SAMD11: variants seen among roughly 807,000 people sequenced by gnomAD.
SAMD11 encodes the protein sterile alpha motif domain-containing protein 11.
In SAMD11, 77 loss-of-function variants were observed where a neutral mutation model predicts 64.4. That is an observed-to-expected ratio of 1.20 (90% confidence interval 0.99 to 1.44). The LOEUF (loss-of-function observed/expected upper bound fraction) is 1.44. Ranked by LOEUF, SAMD11 falls within the 40% of genes most tolerant of loss-of-function variation. The probability of loss-of-function intolerance (pLI) is 0.00; values close to 1 mark genes in which losing one functional copy is unlikely to be tolerated. For missense variants in SAMD11, 1,402 were observed against 943.3 expected, an observed-to-expected ratio of 1.49 and a Z score of -6.37; for synonymous variants, 658 against 421.9, an observed-to-expected ratio of 1.56 and a Z score of -6.86.
intron 3 of SAMD11, 48 bp from the exon 4 acceptor site, chr1:930,991 G>T (rs200617908): frequency 3.8e-6 from 6 of 1,590,826 alleles, no homozygotes; most frequent in Non-Finnish European, 5.2e-6. Flanking sequence ...TGAGGCTGGG[G>T]TCAGGGGCCT....
chr1:930,510 CCT>C (rs980536193), intron 3 of SAMD11, among the ~76,000 whole-genome samples, 174 bp downstream of exon 3: 140 of 152,300 alleles, frequency 9.2e-4, no homozygotes, highest in African/African-American at 2.8e-3. Flanking sequence ...TCATCTGCCC[CCT>C]GTCTGGCGTC....
intron 1 of SAMD11, 42 bp from the exon 2 acceptor site, chr1:925,880 C>G (rs1217131058): frequency 6.9e-7 from 1 of 1,448,748 alleles, no homozygotes; most frequent in Non-Finnish European, 9.7e-7. Flanking sequence ...CGCGCAGAAG[C>G]GTGCCGCTCC....
rs901420898 is a variant in SAMD11, at chr1:942,729, C to T, written c.1724C>T (p.Pro575Leu). The change falls in exon 11 of 14, where the codon CCC (proline) becomes CTC (leucine). Residue 575 changes from proline to leucine, a missense_variant. Physicochemically the swap from Pro to Leu is moderately conservative, Grantham distance 98. Coordinates refer to ENST00000616016, the MANE Select transcript of SAMD11 (RefSeq NM_001385641.1). ...GCGGCGCCACTGCTGGCCCTGCCCC[C>T]CCAGGGGCCCCCGGGCTCCGGACCC... Reference protein sequence around the residue: ...HGAAPLLALPPQGPPGSGPPT... With the variant: ...HGAAPLLALPLQGPPGSGPPT... 2.7e-6 allele frequency: 4 copies of T among 1,471,214 alleles called. No individual in the cohort carries two copies. The highest frequency in any genetic ancestry group is 2.7e-5 in the East Asian group (1 of 36,854). The allele number at this position is 1,471,214 out of a possible 1,614,324, so 91.1% of individuals were successfully genotyped here. A position where few individuals can be genotyped will look rare whatever the true frequency, so the allele number is the denominator to read the frequency against.
At chr1:934,285 G>T (rs866646041) in intron 4 of SAMD11, among the ~76,000 whole-genome samples, 30 of 128 alleles carry the variant, frequency 0.23, 7 homozygotes, top group African/African-American at 0.48. Context: ...GTTACAGGTG[G>T]GCAGGGGAGG....
At chr1:925,871 G>T (rs1216990878) in intron 1 of SAMD11, 51 bp from the exon 2 acceptor site, 1 of 1,368,164 alleles carries the variant, frequency 7.3e-7, no homozygotes, top group East Asian at 2.3e-5. Flanking sequence ...CGCTGACTGC[G>T]CGCAGAAGCG....
intron 1 of SAMD11, among the ~76,000 whole-genome samples, chr1:925,483 C>T (rs1640837562): frequency 6.6e-6 from 1 of 151,968 alleles, no homozygotes; most frequent in Admixed American, 6.6e-5. Context: ...GTGCGGTGAG[C>T]GCCAGGCGCC....
At chr1:933,363 G>A (rs976374823) in intron 4 of SAMD11, among the ~76,000 whole-genome samples, 9 of 152,278 alleles carry the variant, frequency 5.9e-5, no homozygotes, top group African/African-American at 1.2e-4. Context: ...GACCAGGGGC[G>A]GGGAGGGCAG....
chr1:940,487 G>A (rs1482688285), intron 7 of SAMD11: 1 of 152,222 alleles, frequency 6.6e-6, no homozygotes, highest in Non-Finnish European at 1.5e-5. Context: ...AACAGAGGCG[G>A]CGGTGGAGCT....
chr1:939,170 G>A (rs200340631), intron 6 of SAMD11, 41 bp downstream of exon 6: 2 of 1,555,762 alleles, frequency 1.3e-6, no homozygotes, highest in Non-Finnish European at 1.7e-6. Flanking sequence ...CACCAGGGGA[G>A]GGGGCAGTCC....
chr1:936,179 G>T (rs1021784374), intron 5 of SAMD11, among the ~76,000 whole-genome samples: 2 of 152,212 alleles, frequency 1.3e-5, no homozygotes, highest in Non-Finnish European at 2.9e-5. Context: ...GGCCTCAGAG[G>T]TTCAGAAACG....
intron 4 of SAMD11, among the ~76,000 whole-genome samples, chr1:932,397 C>G (rs1026739476): frequency 5.3e-5 from 8 of 152,200 alleles, no homozygotes; most frequent in African/African-American, 1.9e-4. Flanking sequence ...GCCAGGTCTT[C>G]CATCCTGCAC....
intron 12 of SAMD11, 62 bp downstream of exon 12, chr1:943,439 G>GGAAA (rs1641936873): frequency 1.4e-6 from 2 of 1,386,416 alleles, no homozygotes; most frequent in East Asian, 4.7e-5. Flanking sequence ...CTACCTCCCT[G>GGAAA]GAAAGGATGG....
chr1:943,134 A>G (rs1569919086), intron 11 of SAMD11, 76 bp downstream of exon 11: 2 of 1,568,792 alleles, frequency 1.3e-6, no homozygotes, highest in Non-Finnish European at 1.7e-6. Flanking sequence ...TCTTGGGGGG[A>G]GGAAAAATTC....
chr1:926,210 CG>C (rs1640879487), intron 2 of SAMD11, among the ~76,000 whole-genome samples, 197 bp downstream of exon 2: 1 of 152,210 alleles, frequency 6.6e-6, no homozygotes, highest in Non-Finnish European at 1.5e-5. Flanking sequence ...GAGGAGTCCT[CG>C]GGCACCCGAG....
chr1:940,955 C>CG (rs1641726809), intron 7 of SAMD11, 189 bp from the exon 8 acceptor site: 3 of 533,798 alleles, frequency 5.6e-6, no homozygotes, highest in Non-Finnish European at 9.8e-6. Flanking sequence ...CTTCCTCGCC[C>CG]AGCATCTTGT....
intron 1 of SAMD11, 80 bp from the exon 2 acceptor site, chr1:925,842 G>A (rs1640855885): frequency 2.0e-6 from 2 of 992,044 alleles, no homozygotes; most frequent in Non-Finnish European, 3.2e-6. Flanking sequence ...ACGAGCCGGG[G>A]AGGGGGTACT....
rs144488117 is a variant in SAMD11 at position 938,603 on chromosome 1, G to A, written c.968-437G>A. 5.9e-5 allele frequency among the ~76,000 whole-genome samples: 9 copies of A among 152,130 alleles called. No homozygotes were observed. In the East Asian group the frequency reaches 1.8e-3, roughly 30 times the overall value. ...AGAGCAGCAAGAGGTCAGGTGTGAG[G>A]TCCTTCCCGGCTTGTCTCACCCCAC... On this transcript the variant is annotated intron_variant, in intron 5 of 13. Coordinates refer to ENST00000616016, the MANE Select transcript of SAMD11 (RefSeq NM_001385641.1).
chr1:943,566 T>C (rs1422130289), intron 12 of SAMD11, 132 bp from the exon 13 acceptor site: 8 of 875,422 alleles, frequency 9.1e-6, no homozygotes, highest in Admixed American at 3.5e-5. Context: ...GTTTTCTGCC[T>C]GACACTCAAA....
At chr1:928,880 G>A (rs1169829908) in intron 2 of SAMD11, among the ~76,000 whole-genome samples, 2 of 152,212 alleles carry the variant, frequency 1.3e-5, no homozygotes, top group Non-Finnish European at 2.9e-5. Flanking sequence ...TGAAGGTGAT[G>A]GTGGTTCTAG....
Sources: gnomAD v4.1 joint callset for allele counts (sites outside exome capture counted in the v4.1 genomes callset) on GRCh38, gnomAD v4.1.1 for gene constraint, MANE v1.5 for transcripts, NCBI Gene and HGNC (gene_info 2026-07-23, HGNC 2026-07-21) for gene names.